The following SLC36A4 variants were observed in gnomAD, a reference collection of about 807,000 sequenced individuals.
SLC36A4 encodes solute carrier family 36 member 4, also known as neutral amino acid uniporter 4.
In SLC36A4, 49 loss-of-function variants were observed where a neutral mutation model predicts 50.5. The ratio of observed to expected loss-of-function variants is 0.97; its 90% confidence interval spans 0.77 to 1.23. SLC36A4 has a LOEUF of 1.23. Ranked by LOEUF, SLC36A4 falls within the 50% of genes most tolerant of loss-of-function variation. The probability of loss-of-function intolerance (pLI) is 0.00; values close to 1 mark genes in which losing one functional copy is unlikely to be tolerated. For missense variants in SLC36A4, 611 were observed against 608.4 expected, an observed-to-expected ratio of 1.00 and a Z score of -0.05; for synonymous variants, 207 against 206.5, an observed-to-expected ratio of 1.00 and a Z score of -0.02.
intron 6 of SLC36A4, among the ~76,000 whole-genome samples, chr11:93,172,416 C>CG (rs2017846396): frequency 6.6e-6 from 1 of 151,878 alleles, no homozygotes; most frequent in Admixed American, 6.6e-5. Flanking sequence ...CACTCTTCCC[C>CG]CCAAGTCCCC....
intron 7 of SLC36A4, chr11:93,166,379 C>A (rs763158917): frequency 1.1e-4 from 108 of 996,692 alleles, no homozygotes; most frequent in Non-Finnish European, 1.3e-4. Context: ...AAGTTATCAA[C>A]CACTGCTGCT....
rs1048088978 is a variant in SLC36A4 at position 93,181,914 on chromosome 11, G to A, written c.360-128C>T. Reference sequence around the variant, plus strand: ...TGCAAGGCTATGAACTGACAAATGAGTTACCAAAATGTCAAGATCTGCATA... The same window carrying A: ...TGCAAGGCTATGAACTGACAAATGAATTACCAAAATGTCAAGATCTGCATA... On this transcript the variant is annotated intron_variant, in intron 4 of 10. Transcript: ENST00000326402. 6.4e-5 allele frequency: 46 copies of A among 719,064 alleles called. No individual in the cohort carries two copies. The South Asian group carries it at 1.8e-3, about 28-fold the overall frequency. The allele number at this position is 719,064 out of a possible 1,614,324, so 44.5% of individuals were successfully genotyped here. A position where few individuals can be genotyped will look rare whatever the true frequency, so the allele number is the denominator to read the frequency against.
At chr11:93,163,650 T>C (rs764205758) in intron 8 of SLC36A4, among the ~76,000 whole-genome samples, 1 of 152,118 alleles carries the variant, frequency 6.6e-6, no homozygotes, top group Non-Finnish European at 1.5e-5. Context: ...ATTGTACAGT[T>C]ACTTTTATTC....
chr11:93,181,699 T>A lies in SLC36A4; in HGVS notation c.447A>T (p.Ala149=). 1 of 1,533,394 alleles carries A rather than the reference T, an allele frequency of 6.5e-7. No homozygotes were observed. Among genetic ancestry groups the A allele is most frequent in the Non-Finnish European group, 8.8e-7 (1 of 1,135,534 alleles). The allele number at this position is 1,533,394 out of a possible 1,614,324, so 95.0% of individuals were successfully genotyped here. The change falls in exon 5 of 11, where the codon GCA becomes GCT. Residue 149 remains alanine, a synonymous_variant. Coordinates refer to ENST00000326402, the MANE Select transcript of SLC36A4 (RefSeq NM_152313.4). ...ACAGAGTAAGTACTTACCGCCCCCA[T>A]GCTGCTTGCTTCTGAAGACAACTCC... is the stretch of plus-strand genomic sequence containing the variant. The part of the protein sequence containing the change: ...SPWSCLQKQA[A]WGRSVVDFFL...
rs1216643567 is a variant in SLC36A4, at chr11:93,147,133, T to C, written c.*1404A>G. ...GCTGGGACTACAGGTACACGCCACA[T>C]CAGGCTAATTTTTTTTTAAATTTTT... On this transcript the variant is annotated 3_prime_UTR_variant, in exon 11 of 11. Transcript: ENST00000326402. 1 of 151,924 alleles carries C rather than the reference T, an allele frequency of 6.6e-6. No individual in the cohort carries two copies. The highest frequency in any genetic ancestry group is 1.5e-5 in the Non-Finnish European group (1 of 67,972). The allele number at this position is 151,924 out of a possible 1,614,324, so 9.4% of individuals were successfully genotyped here.
chr11:93,172,615 T>C, intron 6 of SLC36A4, among the ~76,000 whole-genome samples: 1 of 146,092 alleles, frequency 6.8e-6, no homozygotes, highest in African/African-American at 2.6e-5. Flanking sequence ...CCCACCACAG[T>C]CCCCAGAGTG....
intron 6 of SLC36A4, among the ~76,000 whole-genome samples, chr11:93,170,748 C>T (rs149565366): frequency 2.6e-5 from 4 of 152,138 alleles, no homozygotes; most frequent in Non-Finnish European, 5.9e-5. Flanking sequence ...AGAGGAACAA[C>T]TGTAACCACT....
At chr11:93,197,598 C>G in intron 1 of SLC36A4, 180 bp downstream of exon 1, 1 of 671,216 alleles carries the variant, frequency 1.5e-6, no homozygotes, top group Non-Finnish European at 2.5e-6. Context: ...TGGGCTTCGT[C>G]TGACCAAGTT....
chr11:93,182,565 T>G (rs193072807), intron 4 of SLC36A4, among the ~76,000 whole-genome samples: 110 of 152,226 alleles, frequency 7.2e-4, no homozygotes, highest in African/African-American at 2.6e-3. Flanking sequence ...TCTTTTCTAA[T>G]TTTTTCCATT....
In SLC36A4 at chr11:93,197,928, G is replaced by A. The variant is rs1459141178; in HGVS notation, c.-96C>T. 1 of 1,276,512 alleles carries A rather than the reference G, an allele frequency of 7.8e-7. No individual in the cohort carries two copies. Among genetic ancestry groups the A allele is most frequent in the African/African-American group, 1.6e-5 (1 of 63,386 alleles). The allele number at this position is 1,276,512 out of a possible 1,614,324, so 79.1% of individuals were successfully genotyped here. ...CCAGGCCTACCTCCCCTGCCCGGAGGGACCCGCGCCTGGTGCCCGCCTCCC... is the reference window on the plus strand; with the variant it reads ...CCAGGCCTACCTCCCCTGCCCGGAGAGACCCGCGCCTGGTGCCCGCCTCCC... On this transcript the variant is annotated 5_prime_UTR_variant, in exon 1 of 11. Coordinates refer to ENST00000326402, the MANE Select transcript of SLC36A4 (RefSeq NM_152313.4).
intron 1 of SLC36A4, among the ~76,000 whole-genome samples, chr11:93,196,222 C>T (rs1055121160): frequency 6.6e-6 from 1 of 152,134 alleles, no homozygotes; most frequent in African/African-American, 2.4e-5. Context: ...TAAAACTATA[C>T]CACAATTTAA....
chr11:93,149,603 G>A (rs980023602), intron 10 of SLC36A4, among the ~76,000 whole-genome samples: 1 of 151,964 alleles, frequency 6.6e-6, no homozygotes, highest in African/African-American at 2.4e-5. Context: ...TCATGAGAAA[G>A]CATCAGAAAA....
chr11:93,180,975 T>C lies in SLC36A4; in HGVS notation c.456-94A>G, dbSNP rs773569245. On this transcript the variant is annotated intron_variant, in intron 5 of 10. Transcript: ENST00000326402. ...TTTCAAGAGTTTTAAAACATTTTAT[T>C]ATAGCATATATTCTCCTACTCAGTA... The C allele has an allele frequency of 5.6e-5, 48 of 854,108 alleles. 1 individual carries two copies. In the Middle Eastern group the frequency reaches 1.6e-3, roughly 28 times the overall value. 52.9% of individuals were successfully genotyped at this position (854,108 alleles called of 1,614,324 possible). A position where few individuals can be genotyped will look rare whatever the true frequency, so the allele number is the denominator to read the frequency against.
intron 2 of SLC36A4, 50 bp downstream of exon 2, chr11:93,185,641 A>T: frequency 6.7e-7 from 1 of 1,491,866 alleles, no homozygotes; most frequent in Non-Finnish European, 8.9e-7. Context: ...AAGATTACAA[A>T]ATACATACTG....
In SLC36A4 at chr11:93,162,544, G is replaced by C. The variant is rs1451669594; in HGVS notation, c.1037+162C>G. Among the ~76,000 whole-genome samples the C allele has an allele frequency of 2.6e-5, 4 of 152,064 alleles. 1 individual carries two copies. The highest frequency in any genetic ancestry group is 4.1e-4 in the South Asian group (2 of 4,824). On this transcript the variant is annotated intron_variant, in intron 9 of 10. Coordinates refer to ENST00000326402, the MANE Select transcript of SLC36A4 (RefSeq NM_152313.4). Reference sequence around the variant, plus strand: ...GGCTGGTCTTGAACTCCCGACCTCAGGTGATCCGCCCACCTCTGCCTCCCA... The same window carrying C: ...GGCTGGTCTTGAACTCCCGACCTCACGTGATCCGCCCACCTCTGCCTCCCA...
chr11:93,154,456 T>C (rs968377842), intron 9 of SLC36A4, 179 bp from the exon 10 acceptor site: 1 of 337,506 alleles, frequency 3.0e-6, no homozygotes, highest in African/African-American at 2.1e-5. Context: ...TTCTAGATGA[T>C]ACAAGAACAA....
At position 93,145,864 on chromosome 11, in the gene SLC36A4, T is replaced by C. The variant is rs1257328650; in HGVS notation, c.*2673A>G. ...AATCTTTAGGAAATTTTACGACTTATTAAAGCTAAATTTTCAGAGAAAAAA... is the reference window on the plus strand; with the variant it reads ...AATCTTTAGGAAATTTTACGACTTACTAAAGCTAAATTTTCAGAGAAAAAA... On this transcript the variant is annotated 3_prime_UTR_variant, in exon 11 of 11. Coordinates refer to ENST00000326402, the MANE Select transcript of SLC36A4 (RefSeq NM_152313.4). The C allele has an allele frequency of 3.3e-5, 5 of 152,110 alleles. No homozygotes were observed. Among genetic ancestry groups the C allele is most frequent in the African/African-American group, 7.2e-5 (3 of 41,436 alleles). 9.4% of individuals were successfully genotyped at this position (152,110 alleles called of 1,614,324 possible). A position where few individuals can be genotyped will look rare whatever the true frequency, so the allele number is the denominator to read the frequency against.
In SLC36A4 at chr11:93,178,768, C is replaced by T. The variant is rs10437573; in HGVS notation, c.540+2029G>A. Among the ~76,000 whole-genome samples, 1,400 of 152,304 alleles carry T rather than the reference C, an allele frequency of 9.2e-3. 17 individuals carry two copies. Among genetic ancestry groups the T allele is most frequent in the African/African-American group, 0.032 (1,326 of 41,570 alleles). ...TGAATGGGGAAAAGTTTAAAGCATT[C>T]CCTCTGAGAACTGGAGCAAGACAAG... On this transcript the variant is annotated intron_variant, in intron 6 of 10. Transcript: ENST00000326402.
intron 9 of SLC36A4, among the ~76,000 whole-genome samples, chr11:93,156,583 C>T (rs1860376659): frequency 6.6e-6 from 1 of 151,922 alleles, no homozygotes; most frequent in African/African-American, 2.4e-5. Flanking sequence ...CCACACCTGG[C>T]TAATTTTTGT....
Sources: allele counts gnomAD v4.1 joint callset (sites outside exome capture counted in the v4.1 genomes callset), GRCh38; gene constraint gnomAD v4.1.1; transcripts MANE v1.5; gene names NCBI Gene and HGNC (gene_info 2026-07-23, HGNC 2026-07-21).